DMD: variants seen among roughly 807,000 people sequenced by gnomAD.
DMD encodes dystrophin.
A neutral mutation model predicts 330.1 loss-of-function variants in DMD; 63 were observed. The ratio of observed to expected loss-of-function variants is 0.19; its 90% CI spans 0.16 to 0.24. DMD has a LOEUF of 0.24. Ranked by LOEUF, DMD falls within the 10% of genes least tolerant of loss-of-function variation. The probability of loss-of-function intolerance (pLI) is 1.00; values close to 1 mark genes in which losing one functional copy is unlikely to be tolerated. For synonymous variants in DMD, 1,223 were observed against 959.8 expected, an observed-to-expected ratio of 1.27 and a Z score of -5.07; for missense variants, 3,344 against 2,684.1, an observed-to-expected ratio of 1.25 and a Z score of -5.43.
At chrX:31,947,469 A>C (rs751932873) in intron 45 of DMD, among the ~76,000 whole-genome samples, 2 of 111,743 alleles carry the variant, frequency 1.8e-5, no homozygotes, top group Middle Eastern at 4.6e-3. Flanking sequence ...TTTAAGGTGT[A>C]CACGATGGGT....
intron 51 of DMD, among the ~76,000 whole-genome samples, chrX:31,736,003 T>TG (rs1454723196): frequency 9.0e-6 from 1 of 110,754 alleles, no homozygotes; most frequent in East Asian, 2.8e-4. Context: ...AAATTCTTAA[T>TG]TTTTTTTTAA....
chrX:32,463,679 G>C, intron 24 of DMD, 85 bp from the exon 25 acceptor site: 4 of 846,609 alleles, frequency 4.7e-6, no homozygotes, highest in Non-Finnish European at 4.7e-6. Context: ...ATGTAAAATT[G>C]GGACTGATGG....
chrX:31,900,498 C>T (rs2094407565), intron 47 of DMD, among the ~76,000 whole-genome samples: 1 of 111,414 alleles, frequency 9.0e-6, no homozygotes, highest in Non-Finnish European at 1.9e-5. Context: ...GAGGTCTCCC[C>T]AGCCAAGTGG....
chrX:33,145,736 A>G (rs757263060), intron 1 of DMD, among the ~76,000 whole-genome samples: 1 of 109,854 alleles, frequency 9.1e-6, no homozygotes, highest in East Asian at 2.8e-4. Context: ...TCTGAAATAT[A>G]CCGGTCTCTC....
chrX:32,969,794 T>A (rs1482975794), intron 2 of DMD, among the ~76,000 whole-genome samples: 1 of 94,438 alleles, frequency 1.1e-5, no homozygotes, highest in East Asian at 3.3e-4. Flanking sequence ...CATCTCTTGT[T>A]TAAAACTGTA....
At chrX:33,242,872 TTTG>T (rs1487301411) in intron 1 of DMD, among the ~76,000 whole-genome samples, 3 of 112,103 alleles carry the variant, frequency 2.7e-5, no homozygotes, top group African/African-American at 9.7e-5. Flanking sequence ...TTTTCATATG[TTTG>T]TTGGCCATCT....
At chrX:31,995,792 T>A (rs775297462) in intron 44 of DMD, among the ~76,000 whole-genome samples, 1 of 112,173 alleles carries the variant, frequency 8.9e-6, no homozygotes, top group South Asian at 3.7e-4. Flanking sequence ...GTCAAACTGA[T>A]CCAGTACAAC....
At chrX:33,150,513 C>T (rs2048236637) in intron 1 of DMD, among the ~76,000 whole-genome samples, 1 of 109,404 alleles carries the variant, frequency 9.1e-6, no homozygotes, top group Non-Finnish European at 1.9e-5. Flanking sequence ...AGGTTGGTCT[C>T]GAACTCCTGA....
chrX:33,170,719 G>C (rs948382159), intron 1 of DMD, among the ~76,000 whole-genome samples: 45 of 111,603 alleles, frequency 4.0e-4, no homozygotes, highest in Non-Finnish European at 7.8e-4. Context: ...CTCAATTCAT[G>C]CTAGCTACAT....
At chrX:32,414,207 C>A (rs1221612793) in intron 29 of DMD, among the ~76,000 whole-genome samples, 1 of 111,464 alleles carries the variant, frequency 9.0e-6, no homozygotes, top group African/African-American at 3.3e-5. Flanking sequence ...TTCTGACTTC[C>A]TTTTATTGGC....
At chrX:32,822,416 A>G (rs769768996) in intron 5 of DMD, among the ~76,000 whole-genome samples, 5 of 110,435 alleles carry the variant, frequency 4.5e-5, no homozygotes, top group Non-Finnish European at 9.5e-5. Context: ...ATAACGAGTT[A>G]CTATTACGTA....
intron 34 of DMD, among the ~76,000 whole-genome samples, chrX:32,375,627 C>G (rs2097899243): frequency 9.0e-6 from 1 of 111,727 alleles, no homozygotes; most frequent in African/African-American, 3.2e-5. Flanking sequence ...TTTAAGTGTC[C>G]TGTTCATATC....
intron 53 of DMD, among the ~76,000 whole-genome samples, chrX:31,665,075 T>G (rs958163818): frequency 3.6e-5 from 4 of 111,782 alleles, no homozygotes; most frequent in Admixed American, 2.9e-4. Flanking sequence ...CAAGGTGACA[T>G]AGCTAGTCAG....
intron 60 of DMD, among the ~76,000 whole-genome samples, chrX:31,379,673 T>C (rs2092493538): frequency 8.9e-6 from 1 of 111,947 alleles, no homozygotes; most frequent in African/African-American, 3.3e-5. Context: ...TTCCCTCCAC[T>C]GTGAGACAAA....
chrX:31,307,953 G>A (rs1363152712), intron 62 of DMD, among the ~76,000 whole-genome samples: 1 of 111,357 alleles, frequency 9.0e-6, no homozygotes, highest in East Asian at 2.8e-4. Context: ...GTATGGTTTC[G>A]AGATGAAACC....
upstream of DMD, chrX:33,211,616 C>T: frequency 2.1e-6 from 2 of 939,196 alleles, no homozygotes; most frequent in Non-Finnish European, 1.3e-6. Flanking sequence ...AAGTGACCCG[C>T]CTTCTCTCTC....
At chrX:32,553,659 G>A (rs1025271186) in intron 16 of DMD, among the ~76,000 whole-genome samples, 3 of 112,140 alleles carry the variant, frequency 2.7e-5, no homozygotes, top group African/African-American at 9.7e-5. Flanking sequence ...GCATATGACT[G>A]TAGTTGCAAT....
chrX:31,914,200 G>A (rs1301378612), intron 47 of DMD, among the ~76,000 whole-genome samples: 5 of 111,849 alleles, frequency 4.5e-5, no homozygotes, highest in African/African-American at 1.6e-4. Context: ...TCTTGCATAG[G>A]TGGTCGTCCA....
At chrX:32,035,956 G>A (rs1269705207) in intron 44 of DMD, among the ~76,000 whole-genome samples, 1 of 111,817 alleles carries the variant, frequency 8.9e-6, no homozygotes, top group South Asian at 3.7e-4. Context: ...AGAGACTGGA[G>A]GAAGAAACAT....
Sources: allele counts gnomAD v4.1 joint callset (sites outside exome capture counted in the v4.1 genomes callset), GRCh38; gene constraint gnomAD v4.1.1; transcripts MANE v1.5; gene names NCBI Gene and HGNC (gene_info 2026-07-23, HGNC 2026-07-21).